DTL: variants seen among roughly 807,000 people sequenced by gnomAD.
DTL encodes the protein denticleless protein homolog.
DTL carries 46 observed loss-of-function variants against 87.0 expected under a neutral mutation model. The ratio of observed to expected loss-of-function variants is 0.53; its 90% CI spans 0.42 to 0.68. The LOEUF (loss-of-function observed/expected upper bound fraction) is 0.68, where lower values mean the gene tolerates loss of function less well. Ranked by LOEUF, DTL falls within the 30% of genes least tolerant of loss-of-function variation. The pLI, the probability that DTL is intolerant of heterozygous loss-of-function variation, is 0.00. For missense variants in DTL, 737 were observed against 869.4 expected, an observed-to-expected ratio of 0.85 and a Z score of 1.91; for synonymous variants, 308 against 311.2, an observed-to-expected ratio of 0.99 and a Z score of 0.11.
chr1:212,063,126 A>G (rs978097016), intron 6 of DTL, among the ~76,000 whole-genome samples, 177 bp downstream of exon 6: 5 of 152,148 alleles, frequency 3.3e-5, no homozygotes, highest in Non-Finnish European at 7.4e-5. Flanking sequence ...TGATAAATAC[A>G]TGAGTGTCAC....
At chr1:212,036,392 A>G (rs1407156065) in intron 1 of DTL, among the ~76,000 whole-genome samples, 1 of 152,208 alleles carries the variant, frequency 6.6e-6, no homozygotes, top group Admixed American at 6.5e-5. Context: ...TAAGGAACTC[A>G]GTCAAGCAGA....
chr1:212,037,464 A>G (rs951441598), intron 1 of DTL, among the ~76,000 whole-genome samples: 1 of 152,172 alleles, frequency 6.6e-6, no homozygotes, highest in African/African-American at 2.4e-5. Flanking sequence ...TCTGTTACTT[A>G]TATAGTAAGT....
intron 5 of DTL, among the ~76,000 whole-genome samples, chr1:212,059,363 A>G (rs1331006049): frequency 3.3e-5 from 5 of 152,186 alleles, no homozygotes; most frequent in African/African-American, 1.2e-4. Flanking sequence ...GAATAGCTCA[A>G]TATAGACAAA....
At chr1:212,036,393 G>A (rs1306659890) in intron 1 of DTL, among the ~76,000 whole-genome samples, 1 of 152,114 alleles carries the variant, frequency 6.6e-6, no homozygotes, top group East Asian at 1.9e-4. Flanking sequence ...AAGGAACTCA[G>A]TCAAGCAGAG....
At position 212,102,917 on chromosome 1, in the gene DTL, C is replaced by T; in HGVS notation, c.2170C>T (p.Pro724Ser). The change falls in exon 15 of 15, where the codon CCT becomes TCT. Residue 724 changes from proline to serine, a missense_variant. Pro to Ser is a moderately conservative substitution (Grantham distance 74, BLOSUM62 -1). Coordinates refer to ENST00000366991, the MANE Select transcript of DTL (RefSeq NM_016448.4). Reference protein sequence around the residue: ...HRKSQEDFCGPEHSTEL With the variant: ...HRKSQEDFCGSEHSTEL ...AAAGTCCCAGGAGGACTTCTGTGGT[C>T]CTGAACACTCAACAGAATTATAGAT... is the stretch of plus-strand genomic sequence containing the variant. The T allele has an allele frequency of 6.2e-7, 1 of 1,604,980 alleles. No individual in the cohort carries two copies. The highest frequency in any genetic ancestry group is 8.5e-7 in the Non-Finnish European group (1 of 1,172,176).
In DTL at chr1:212,066,870, C is replaced by G. The variant is rs915464529; in HGVS notation, c.698C>G (p.Ala233Gly). 13 of 1,613,574 alleles carry G rather than the reference C, an allele frequency of 8.1e-6. No individual in the cohort carries two copies. The highest frequency in any genetic ancestry group is 7.6e-6 in the Non-Finnish European group (9 of 1,179,664). The change falls in exon 8 of 15, where the codon GCA becomes GGA. Residue 233 changes from alanine (A) to glycine (G), a missense_variant. Transcript: ENST00000366991. Reference protein sequence around the residue: ...LFQDENTLVSAGAVDGIIKVW... With the variant: ...LFQDENTLVSGGAVDGIIKVW... ...CAAGACGAGAATACCTTAGTCTCAG[C>G]AGGAGCTGTGGATGGGTAAGAGTCT...
chr1:212,043,173 T>A, intron 2 of DTL, 55 bp downstream of exon 2: 1 of 1,534,510 alleles, frequency 6.5e-7, no homozygotes, highest in African/African-American at 1.4e-5. Context: ...ATTTCACACT[T>A]ATAGGGAAAA....
At chr1:212,051,442 CTTTTTTTTT>C (rs958429363) in intron 5 of DTL, 21 of 197,174 alleles carry the variant, frequency 1.1e-4, no homozygotes, top group African/African-American at 2.7e-4. Flanking sequence ...ATATGAAATT[CTTTTTTTTT>C]TTTTTTTTTT....
At chr1:212,069,193 C>T in intron 10 of DTL, among the ~76,000 whole-genome samples, 1 of 151,446 alleles carries the variant, frequency 6.6e-6, no homozygotes, top group Non-Finnish European at 1.5e-5. Flanking sequence ...AAAATAGAAT[C>T]TGATACTTAA....
Position 212,042,935 on chromosome 1 carries a change from T to G in DTL, c.53-58T>G, listed in dbSNP as rs533678403. 5.3e-6 allele frequency: 8 copies of G among 1,498,806 alleles called. No individual in the cohort carries two copies. The African/African-American group carries it at 8.5e-5, about 16-fold the overall frequency. The allele number at this position is 1,498,806 out of a possible 1,614,324, so 92.8% of individuals were successfully genotyped here. A position where few individuals can be genotyped will look rare whatever the true frequency, so the allele number is the denominator to read the frequency against. ...GACAAATATTTACCTCTGAATTTGT[T>G]AAAAATGCTGAAATGTGATGCTGTA... On this transcript the variant is annotated intron_variant, in intron 1 of 14. Transcript: ENST00000366991.
chr1:212,035,888 C>T lies in DTL; in HGVS notation c.-3C>T, dbSNP rs201116095. The T allele has an allele frequency of 4.9e-4, 797 of 1,614,034 alleles. No individual in the cohort carries two copies. Among genetic ancestry groups the T allele is most frequent in the Non-Finnish European group, 6.5e-4 (770 of 1,180,010 alleles). Reference sequence around the variant, plus strand: ...CTCAGCTGAGGCTTTTCCTCCGACCCTGATGCTCTTCAATTCGGTGCTCCG... The same window carrying T: ...CTCAGCTGAGGCTTTTCCTCCGACCTTGATGCTCTTCAATTCGGTGCTCCG... On this transcript the variant is annotated 5_prime_UTR_variant, in exon 1 of 15. Transcript: ENST00000366991.
In DTL at chr1:212,068,410, T is replaced by C. The variant is rs568556361; in HGVS notation, c.817+83T>C. 5 of 993,178 alleles carry C rather than the reference T, an allele frequency of 5.0e-6. No homozygotes were observed. In the East Asian group the frequency reaches 7.5e-5, roughly 15 times the overall value. The allele number at this position is 993,178 out of a possible 1,614,324, so 61.5% of individuals were successfully genotyped here. A position where few individuals can be genotyped will look rare whatever the true frequency, so the allele number is the denominator to read the frequency against. On this transcript the variant is annotated intron_variant, in intron 9 of 14. Transcript: ENST00000366991. ...AAAGGCTAATTTCCAGTAACATTGA[T>C]ATGAAAAATTCTAATATGTGAAGTT...
chr1:212,102,817 T>C, intron 14 of DTL, 25 bp from the exon 15 acceptor site: 1 of 1,526,068 alleles, frequency 6.6e-7, no homozygotes, highest in Non-Finnish European at 9.1e-7. Flanking sequence ...AGGAAATCTC[T>C]GAAATCTAAA....
intron 13 of DTL, among the ~76,000 whole-genome samples, chr1:212,093,062 A>C (rs190933364): frequency 3.1e-3 from 476 of 152,158 alleles, no homozygotes; most frequent in Non-Finnish European, 5.0e-3. Flanking sequence ...TTGTCTATTC[A>C]TGTCCTTAGC....
At chr1:212,059,631 T>C (rs911666369) in intron 5 of DTL, among the ~76,000 whole-genome samples, 5 of 152,028 alleles carry the variant, frequency 3.3e-5, no homozygotes, top group Admixed American at 6.6e-5. Flanking sequence ...CGCACGCTTT[T>C]CACCACTCCT....
intron 5 of DTL, among the ~76,000 whole-genome samples, chr1:212,061,779 C>G (rs900721892): frequency 1.3e-5 from 2 of 152,086 alleles, no homozygotes; most frequent in African/African-American, 4.8e-5. Context: ...TCACATGTTC[C>G]CATTTATATG....
At chr1:212,084,544 A>G (rs745356137) in intron 13 of DTL, among the ~76,000 whole-genome samples, 6 of 152,206 alleles carry the variant, frequency 3.9e-5, no homozygotes, top group Admixed American at 2.0e-4. Context: ...TAGTTCTACA[A>G]CAGTGAATAA....
At chr1:212,059,955 G>T (rs1203071961) in intron 5 of DTL, among the ~76,000 whole-genome samples, 1 of 151,900 alleles carries the variant, frequency 6.6e-6, no homozygotes, top group East Asian at 1.9e-4. Context: ...AAACACTTAG[G>T]AATAAATTTA....
chr1:212,068,677 A>G lies in DTL; in HGVS notation c.896A>G (p.Asn299Ser). 6.2e-7 allele frequency: 1 copy of G among 1,611,770 alleles called. No individual in the cohort carries two copies. The highest frequency in any genetic ancestry group is 1.3e-5 in the African/African-American group (1 of 75,012). Residue 299 changes from asparagine to serine, a missense_variant, in exon 10 of 15, where the codon AAT becomes AGT. Coordinates refer to ENST00000366991, the MANE Select transcript of DTL (RefSeq NM_016448.4). The stretch of plus-strand genomic sequence containing the variant: ...ACAGACGATAACATCTACATGTTTA[A>G]TATGACTGGGTTGAAGACTTCTCCA... ...NCTDDNIYMF[N>S]MTGLKTSPVA...
Sources: gnomAD v4.1 joint callset for allele counts (sites outside exome capture counted in the v4.1 genomes callset) on GRCh38, gnomAD v4.1.1 for gene constraint, MANE v1.5 for transcripts, NCBI Gene and HGNC (gene_info 2026-07-23, HGNC 2026-07-21) for gene names.